Variants in KCNQ5 observed in about 807,000 individuals in gnomAD.
KCNQ5 encodes potassium voltage-gated channel subfamily Q member 5, also known as potassium voltage-gated channel subfamily KQT member 5.
Under a neutral mutation model 98.2 loss-of-function variants are expected in KCNQ5, and 30 were observed. That is an observed-to-expected ratio of 0.31 (90% CI 0.23 to 0.41). The LOEUF is 0.41. Among genes scored for constraint, KCNQ5 ranks in the 10% least tolerant of loss-of-function variants. The pLI is 1.00. For synonymous variants in KCNQ5, 458 were observed against 449.4 expected (o/e 1.02, Z -0.24); for missense variants, 835 against 1,182.5 (o/e 0.71, Z 4.31).
chr6:73,077,803 T>C lies in KCNQ5; in HGVS notation c.834T>C (p.Ile278=), dbSNP rs145873516. The change falls in exon 5 of 14, where the codon ATT becomes ATC. Residue 278 remains isoleucine (I), a synonymous_variant. Transcript: ENST00000370398. ...TAWYIGFLVL[I]FSSFLVYLVE... Reference sequence around the variant, plus strand: ...GGTACATAGGATTTTTGGTTCTTATTTTTTCGTCTTTCCTTGTCTATCTGG... The same window carrying C: ...GGTACATAGGATTTTTGGTTCTTATCTTTTCGTCTTTCCTTGTCTATCTGG... 1.2e-6 allele frequency: 2 copies of C among 1,612,188 alleles called. No homozygotes were observed. The highest frequency in any genetic ancestry group is 1.7e-6 in the Non-Finnish European group (2 of 1,178,620).
At chr6:73,052,502 A>T (rs554343974) in intron 3 of KCNQ5, among the ~76,000 whole-genome samples, 4 of 152,168 alleles carry the variant, frequency 2.6e-5, no homozygotes, top group African/African-American at 9.7e-5. Context: ...GGGGCAGGCC[A>T]CCTCCCAAGG....
chr6:73,154,437 T>C (rs975762151), intron 10 of KCNQ5, among the ~76,000 whole-genome samples: 1 of 152,170 alleles, frequency 6.6e-6, no homozygotes, highest in African/African-American at 2.4e-5. Flanking sequence ...AGTAATGCTA[T>C]CTTGCTGTAA....
At chr6:73,164,756 A>G (rs1385198564) in intron 10 of KCNQ5, among the ~76,000 whole-genome samples, 2 of 152,232 alleles carry the variant, frequency 1.3e-5, no homozygotes, top group Non-Finnish European at 2.9e-5. Context: ...TTGGACCTGC[A>G]TTATCATATT....
chr6:73,185,474 A>G (rs1778539052), intron 11 of KCNQ5, among the ~76,000 whole-genome samples: 1 of 152,216 alleles, frequency 6.6e-6, no homozygotes, highest in Admixed American at 6.5e-5. Flanking sequence ...AAGCCACCAC[A>G]CCTGGCCAAA....
chr6:72,980,610 C>G (rs1197087172), intron 1 of KCNQ5, among the ~76,000 whole-genome samples: 8 of 152,144 alleles, frequency 5.3e-5, no homozygotes, highest in Non-Finnish European at 7.4e-5. Flanking sequence ...ACAATCATGT[C>G]ATCTACAAAC....
chr6:73,132,260 C>T (rs1014407259), intron 9 of KCNQ5, among the ~76,000 whole-genome samples: 1 of 152,168 alleles, frequency 6.6e-6, no homozygotes, highest in African/African-American at 2.4e-5. Flanking sequence ...GCTTTACTCT[C>T]TCAGAGTAGC....
intron 2 of KCNQ5, among the ~76,000 whole-genome samples, chr6:73,012,265 C>CA (rs1562126384): frequency 6.6e-6 from 1 of 151,630 alleles, no homozygotes; most frequent in African/African-American, 2.4e-5. Context: ...CATATACATA[C>CA]AAAAAAAGTA....
intron 1 of KCNQ5, among the ~76,000 whole-genome samples, chr6:72,638,637 AT>A (rs368365999): frequency 1.4e-4 from 21 of 150,252 alleles, no homozygotes; most frequent in African/African-American, 1.7e-4. Context: ...GCAAATACCT[AT>A]TTTTTTTTTG....
intron 1 of KCNQ5, among the ~76,000 whole-genome samples, chr6:72,666,955 A>C (rs12199549): frequency 0.18 from 26,659 of 152,236 alleles, 2,485 homozygotes; most frequent in Middle Eastern, 0.28. Context: ...AAACATTCCT[A>C]AAATACTGGT....
chr6:72,649,371 A>C (rs981333583), intron 1 of KCNQ5, among the ~76,000 whole-genome samples: 1 of 152,016 alleles, frequency 6.6e-6, no homozygotes, highest in Non-Finnish European at 1.5e-5. Flanking sequence ...GGGTTTAAGA[A>C]CCTTAGTTAG....
chr6:72,864,118 C>A (rs1293946208), intron 1 of KCNQ5, among the ~76,000 whole-genome samples: 1 of 152,170 alleles, frequency 6.6e-6, no homozygotes, highest in East Asian at 1.9e-4. Context: ...CTTAAGGTAT[C>A]AATTTTTTAT....
At chr6:72,924,655 T>TCTC (rs57526628) in intron 1 of KCNQ5, among the ~76,000 whole-genome samples, 4,421 of 152,252 alleles carry the variant, frequency 0.029, 183 homozygotes, top group African/African-American at 0.086. Flanking sequence ...GCAGTATTCT[T>TCTC]CTCTCTCACC....
intron 1 of KCNQ5, among the ~76,000 whole-genome samples, chr6:72,666,493 C>G (rs1478555183): frequency 6.6e-6 from 1 of 152,202 alleles, no homozygotes; most frequent in African/African-American, 2.4e-5. Flanking sequence ...ACTTTAAACT[C>G]TGTTTTGAAT....
intron 10 of KCNQ5, among the ~76,000 whole-genome samples, chr6:73,141,190 G>C (rs753260015): frequency 2.0e-5 from 3 of 152,320 alleles, no homozygotes; most frequent in Admixed American, 2.0e-4. Context: ...CCACTTCCAC[G>C]TGATGGAAAG....
At chr6:73,009,627 C>T (rs1005888804) in intron 2 of KCNQ5, among the ~76,000 whole-genome samples, 1 of 151,834 alleles carries the variant, frequency 6.6e-6, no homozygotes, top group Non-Finnish European at 1.5e-5. Context: ...AACAGACAAA[C>T]CTTTAGATAG....
At chr6:72,812,789 A>T (rs1775304437) in intron 1 of KCNQ5, among the ~76,000 whole-genome samples, 1 of 152,218 alleles carries the variant, frequency 6.6e-6, no homozygotes, top group African/African-American at 2.4e-5. Context: ...AACATTGCAA[A>T]GGCTTTAAGA....
chr6:73,158,052 C>T (rs9351978), intron 10 of KCNQ5: 58,310 of 630,126 alleles, frequency 0.093, 3,906 homozygotes, highest in East Asian at 0.24. Context: ...AGTGTCCGGA[C>T]CTCCTCTTCC....
intron 1 of KCNQ5, among the ~76,000 whole-genome samples, chr6:72,907,838 CT>C (rs991358895): frequency 2.0e-5 from 3 of 151,564 alleles, no homozygotes; most frequent in South Asian, 2.1e-4. Context: ...AGTTTGGGTA[CT>C]TTTTTTTAAT....
At chr6:72,727,631 G>A (rs1770353243) in intron 1 of KCNQ5, among the ~76,000 whole-genome samples, 1 of 152,062 alleles carries the variant, frequency 6.6e-6, no homozygotes, top group African/African-American at 2.4e-5. Context: ...TAATGCCTCA[G>A]GTTTCTGGAT....
Sources: allele counts gnomAD v4.1 joint callset (sites outside exome capture counted in the v4.1 genomes callset), GRCh38; gene constraint gnomAD v4.1.1; transcripts MANE v1.5; gene names NCBI Gene and HGNC (gene_info 2026-07-23, HGNC 2026-07-21).